UTRN: variants seen among roughly 807,000 people sequenced by gnomAD.
The protein encoded by UTRN is dystrophin-related protein 1.
UTRN carries 283 observed loss-of-function variants against 463.9 expected under a neutral mutation model. That is an observed-to-expected ratio of 0.61 (90% confidence interval 0.55 to 0.67). The LOEUF is 0.67. UTRN is among the 30% of genes least tolerant of loss of function. The pLI, the probability that UTRN is intolerant of heterozygous loss-of-function variation, is 0.00. For missense variants in UTRN, 3,922 were observed against 4,084.3 expected, an observed-to-expected ratio of 0.96 and a Z score of 1.08; for synonymous variants, 1,442 against 1,431.5, an observed-to-expected ratio of 1.01 and a Z score of -0.17.
At chr6:144,453,649 A>G (rs1788545154) in intron 18 of UTRN, 133 bp from the exon 19 acceptor site, 1 of 642,560 alleles carries the variant, frequency 1.6e-6, no homozygotes. Context: ...TTTAGTTGCT[A>G]TGATTACGTT....
rs374506152 is a variant in UTRN at position 144,483,628 on chromosome 6, T to G, written c.3687+1240T>G. ...TGGCTAATTATTTTTAAATTTTTTT[T>G]GTAGAGATGGGGGTCTTGCTATGTT... is the stretch of plus-strand genomic sequence containing the variant. On this transcript the variant is annotated intron_variant, in intron 27 of 74. Coordinates refer to ENST00000367545, the MANE Select transcript of UTRN (RefSeq NM_007124.3). 2.7e-4 allele frequency among the ~76,000 whole-genome samples: 41 copies of G among 152,278 alleles called. No individual in the cohort carries two copies. The East Asian group carries it at 2.9e-3, about 11-fold the overall frequency.
intron 51 of UTRN, among the ~76,000 whole-genome samples, chr6:144,633,412 T>C (rs1776753269): frequency 6.6e-6 from 1 of 152,022 alleles, no homozygotes; most frequent in Non-Finnish European, 1.5e-5. Context: ...TGTATTTTTT[T>C]TAGTAAAGAC....
chr6:144,718,942 G>A (rs184349505), intron 53 of UTRN, among the ~76,000 whole-genome samples: 131 of 152,248 alleles, frequency 8.6e-4, no homozygotes, highest in African/African-American at 3.0e-3. Flanking sequence ...AAAGGGGTGA[G>A]CCCTGTGGAT....
chr6:144,592,373 A>T (rs116189053), intron 51 of UTRN, among the ~76,000 whole-genome samples: 1,972 of 149,396 alleles, frequency 0.013, 37 homozygotes, highest in African/African-American at 0.045. Flanking sequence ...AAATTTTTAA[A>T]TTTTTTTTTT....
intron 65 of UTRN, among the ~76,000 whole-genome samples, chr6:144,805,057 T>C (rs1399418019): frequency 6.6e-6 from 1 of 152,100 alleles, no homozygotes; most frequent in Non-Finnish European, 1.5e-5. Context: ...AGTCTTTTAA[T>C]GGAGAAGTGG....
chr6:144,703,629 T>C (rs1303011390), intron 53 of UTRN, among the ~76,000 whole-genome samples: 1 of 152,136 alleles, frequency 6.6e-6, no homozygotes, highest in Non-Finnish European at 1.5e-5. Flanking sequence ...AAGTGTGTTA[T>C]GAAGGAGGGC....
intron 52 of UTRN, among the ~76,000 whole-genome samples, chr6:144,685,462 G>A (rs1782653104): frequency 6.6e-6 from 1 of 152,074 alleles, no homozygotes; most frequent in South Asian, 2.1e-4. Flanking sequence ...CTTAGAGATT[G>A]TACTAATTTG....
intron 65 of UTRN, among the ~76,000 whole-genome samples, chr6:144,816,729 T>C (rs937056791): frequency 4.9e-5 from 6 of 123,570 alleles, no homozygotes; most frequent in African/African-American, 1.7e-4. Flanking sequence ...GCCTAGCTTT[T>C]TTCCTTTTTT....
intron 69 of UTRN, among the ~76,000 whole-genome samples, chr6:144,832,909 TC>T (rs1780787831): frequency 2.0e-5 from 3 of 152,264 alleles, no homozygotes; most frequent in Admixed American, 2.0e-4. Flanking sequence ...AACCTTGGCT[TC>T]CCGGGTTCAA....
intron 41 of UTRN, among the ~76,000 whole-genome samples, chr6:144,530,142 A>G (rs1796911088): frequency 6.6e-6 from 1 of 152,226 alleles, no homozygotes; most frequent in Non-Finnish European, 1.5e-5. Flanking sequence ...ATAAGATAAC[A>G]TAGACTGGGT....
At chr6:144,296,708 G>A (rs752794912) in intron 2 of UTRN, among the ~76,000 whole-genome samples, 2 of 152,156 alleles carry the variant, frequency 1.3e-5, no homozygotes, top group African/African-American at 2.4e-5. Flanking sequence ...TCTTCATTTT[G>A]TGCCTAATTC....
At chr6:144,313,414 G>C (rs1352746651) in intron 2 of UTRN, among the ~76,000 whole-genome samples, 3 of 152,038 alleles carry the variant, frequency 2.0e-5, no homozygotes, top group African/African-American at 7.2e-5. Flanking sequence ...ATATACATAT[G>C]CTTTGATCAC....
intron 25 of UTRN, 31 bp downstream of exon 25, chr6:144,474,790 TTCAGGAGATGTAGACTGTAGCTTCTC>T: frequency 6.2e-7 from 1 of 1,604,996 alleles, no homozygotes; most frequent in Non-Finnish European, 8.5e-7. Flanking sequence ...ACCTACGGTT[TTCAGGAGATGTAGACTGTAGCTTCTC>T]TCAGCTGACT....
intron 53 of UTRN, among the ~76,000 whole-genome samples, chr6:144,717,722 G>A (rs532777247): frequency 1.5e-4 from 19 of 130,420 alleles, no homozygotes; most frequent in South Asian, 2.6e-4. Flanking sequence ...TGCAACCTCC[G>A]CCTCCCGGGT....
Position 144,839,259 on chromosome 6 carries a change from C to G in UTRN, c.10152C>G (p.Ala3384=). 1.2e-6 allele frequency: 2 copies of G among 1,613,838 alleles called. No homozygotes were observed. Among genetic ancestry groups the G allele is most frequent in the South Asian group, 1.1e-5 (1 of 91,058 alleles). Residue 3384 remains alanine, a synonymous_variant, in exon 72 of 75, where the codon GCC becomes GCG. Transcript: ENST00000367545. ...TGAGCTACTCGCTTGATCCAGATGC[C>G]TCCGGCCCACAGTTCCACCAGGCAG... ...SALSYSLDPD[A]SGPQFHQAAG... is the part of the protein sequence containing the mutation.
At chr6:144,524,927 T>C (rs1796434492) in intron 41 of UTRN, among the ~76,000 whole-genome samples, 3 of 152,154 alleles carry the variant, frequency 2.0e-5, no homozygotes, top group Admixed American at 1.3e-4. Context: ...TGTCAGAGGC[T>C]TTTTCTGAGT....
intron 2 of UTRN, among the ~76,000 whole-genome samples, chr6:144,354,345 A>T (rs1778370585): frequency 6.6e-6 from 1 of 152,196 alleles, no homozygotes; most frequent in South Asian, 2.1e-4. Flanking sequence ...CAAGTAGACT[A>T]ACATTGGAGA....
chr6:144,631,657 A>G (rs1340897869), intron 51 of UTRN, among the ~76,000 whole-genome samples: 1 of 152,156 alleles, frequency 6.6e-6, no homozygotes, highest in Non-Finnish European at 1.5e-5. Context: ...AGAGCGTAGA[A>G]TATTTTATTT....
chr6:144,663,367 A>G (rs909302228), intron 51 of UTRN, among the ~76,000 whole-genome samples: 12 of 152,178 alleles, frequency 7.9e-5, no homozygotes, highest in African/African-American at 2.7e-4. Flanking sequence ...CCTCTCTGAG[A>G]TCCAGCCAAT....
Sources: gnomAD v4.1 joint callset for allele counts (sites outside exome capture counted in the v4.1 genomes callset) on GRCh38, gnomAD v4.1.1 for gene constraint, MANE v1.5 for transcripts, NCBI Gene and HGNC (gene_info 2026-07-23, HGNC 2026-07-21) for gene names.